The following GREB1L variants were observed in gnomAD, a reference collection of about 807,000 sequenced individuals.
GREB1L encodes GREB1 like retinoic acid receptor coactivator.
In GREB1L, 17 loss-of-function variants were observed where a neutral mutation model predicts 200.8. The ratio of observed to expected loss-of-function variants is 0.08; its 90% CI spans 0.06 to 0.13. GREB1L has a LOEUF of 0.13. GREB1L is among the 10% of genes least tolerant of loss of function. GREB1L has a pLI of 1.00. For synonymous variants in GREB1L, 789 were observed against 893.0 expected (o/e 0.88, Z 2.08); for missense variants, 1,657 against 2,367.7 (o/e 0.70, Z 6.23).
intron 1 of GREB1L, among the ~76,000 whole-genome samples, chr18:21,320,479 T>C (rs2038934479): frequency 6.6e-6 from 1 of 152,074 alleles, no homozygotes; most frequent in Non-Finnish European, 1.5e-5. Context: ...AATAAAACTA[T>C]TGGACCAGGC....
At chr18:21,265,434 T>C (rs1292787226) in intron 1 of GREB1L, among the ~76,000 whole-genome samples, 1 of 152,208 alleles carries the variant, frequency 6.6e-6, no homozygotes, top group Non-Finnish European at 1.5e-5. Flanking sequence ...CTGTAAATGG[T>C]AAAATCAAGT....
At chr18:21,497,158 T>C (rs1260416499) in intron 21 of GREB1L, among the ~76,000 whole-genome samples, 3 of 152,234 alleles carry the variant, frequency 2.0e-5, no homozygotes, top group Non-Finnish European at 4.4e-5. Context: ...AAGCATTGTA[T>C]GCTGAGGGCT....
intron 19 of GREB1L, among the ~76,000 whole-genome samples, chr18:21,492,403 A>G (rs1203562679): frequency 5.3e-5 from 8 of 152,162 alleles, no homozygotes; most frequent in Non-Finnish European, 1.0e-4. Flanking sequence ...CAGCAGCACC[A>G]TGCTAAGTCT....
At chr18:21,273,153 G>A (rs186624904) in intron 1 of GREB1L, among the ~76,000 whole-genome samples, 34 of 152,256 alleles carry the variant, frequency 2.2e-4, no homozygotes, top group African/African-American at 7.5e-4. Flanking sequence ...GCTTGAACCC[G>A]GGAGGCGGAG....
chr18:21,518,251 G>A lies in GREB1L; in HGVS notation c.5472+17G>A. On this transcript the variant is annotated intron_variant, in intron 31 of 32. Transcript: ENST00000424526. Reference sequence around the variant, plus strand: ...GGACCAGAGGTAAAAAGGGTGTGGGGGATACTGTGCTTACCTACATCCATC... The same window carrying A: ...GGACCAGAGGTAAAAAGGGTGTGGGAGATACTGTGCTTACCTACATCCATC... The A allele has an allele frequency of 3.2e-6, 5 of 1,548,928 alleles. No individual in the cohort carries two copies. The highest frequency in any genetic ancestry group is 4.4e-6 in the Non-Finnish European group (5 of 1,144,626).
At chr18:21,253,153 A>G (rs1214958558) in intron 1 of GREB1L, among the ~76,000 whole-genome samples, 2 of 152,144 alleles carry the variant, frequency 1.3e-5, no homozygotes, top group African/African-American at 2.4e-5. Context: ...CAAGATCACT[A>G]AACTAGTCCT....
intron 1 of GREB1L, among the ~76,000 whole-genome samples, chr18:21,278,380 C>CAAA (rs550496435): frequency 0.018 from 1,937 of 106,226 alleles, 49 homozygotes; most frequent in African/African-American, 0.05. Flanking sequence ...GACTCCATCT[C>CAAA]AAAAAAAAAA....
At chr18:21,458,670 G>A (rs2034891478) in intron 15 of GREB1L, among the ~76,000 whole-genome samples, 1 of 151,924 alleles carries the variant, frequency 6.6e-6, no homozygotes, top group South Asian at 2.1e-4. Flanking sequence ...GAGGGAGGAG[G>A]AAAAAGGAAA....
intron 31 of GREB1L, 21 bp from the exon 32 acceptor site, chr18:21,520,667 A>G (rs780384964): frequency 1.3e-6 from 2 of 1,551,316 alleles, no homozygotes; most frequent in Non-Finnish European, 1.7e-6. Context: ...TGCCCATGCT[A>G]TTTTTGCTTG....
intron 1 of GREB1L, among the ~76,000 whole-genome samples, chr18:21,361,445 A>T (rs2039578890): frequency 6.6e-6 from 1 of 152,212 alleles, no homozygotes; most frequent in Admixed American, 6.5e-5. Context: ...CCAAGGCTGC[A>T]CAAATTAAGG....
intron 1 of GREB1L, among the ~76,000 whole-genome samples, chr18:21,356,978 G>GA (rs1218597607): frequency 3.3e-5 from 5 of 152,064 alleles, no homozygotes; most frequent in Middle Eastern, 3.2e-3. Flanking sequence ...CTTTTTTTGA[G>GA]AAATGTCTAT....
intron 1 of GREB1L, among the ~76,000 whole-genome samples, chr18:21,249,331 A>G (rs2037660800): frequency 6.6e-6 from 1 of 152,226 alleles, no homozygotes. Context: ...CATCCGTATC[A>G]GCTGGATTCT....
In GREB1L at chr18:21,473,216, T is replaced by C. The variant is rs2035550756; in HGVS notation, c.2363+5T>C. 6.6e-7 allele frequency: 1 copy of C among 1,516,464 alleles called. No homozygotes were observed. Among genetic ancestry groups the C allele is most frequent in the African/African-American group, 1.4e-5 (1 of 71,970 alleles). 93.9% of individuals were successfully genotyped at this position (1,516,464 alleles called of 1,614,324 possible). The stretch of plus-strand genomic sequence containing the variant: ...CTCCCATGTGGAACTAACGAGGTGA[T>C]TGGTTCAGAGTGAGCAAATGGAGTC... On this transcript the variant is annotated splice_donor_5th_base_variant and intron_variant, in intron 16 of 32. Transcript: ENST00000424526.
chr18:21,246,721 G>A (rs2037608903), intron 1 of GREB1L, among the ~76,000 whole-genome samples: 1 of 152,032 alleles, frequency 6.6e-6, no homozygotes, highest in Non-Finnish European at 1.5e-5. Context: ...ATATTTATTA[G>A]CTATTATTAT....
At chr18:21,357,938 A>T (rs1052826757) in intron 1 of GREB1L, among the ~76,000 whole-genome samples, 6 of 152,086 alleles carry the variant, frequency 3.9e-5, no homozygotes, top group African/African-American at 1.4e-4. Context: ...TGCTTTGGCT[A>T]TTTGGGGTCT....
At position 21,505,429 on chromosome 18, in the gene GREB1L, G is replaced by C. The variant is rs1598942841; in HGVS notation, c.4090G>C (p.Glu1364Gln). 6.4e-7 allele frequency: 1 copy of C among 1,551,340 alleles called. No homozygotes were observed. Among genetic ancestry groups the C allele is most frequent in the African/African-American group, 1.4e-5 (1 of 73,160 alleles). Residue 1364 changes from glutamate to glutamine, a missense_variant, in exon 24 of 33, where the codon GAA becomes CAA. This residue lies in a region of GREB1L where 512 missense variants were observed against 668.3 expected (regional missense o/e 0.77). Coordinates refer to ENST00000424526, the MANE Select transcript of GREB1L (RefSeq NM_001142966.3). Reference sequence around the variant, plus strand: ...TGTCCTAGATCACAATGAAAGCAGTGAAGTGAGCCAGTCAGAGGGAGAGCC... The same window carrying C: ...TGTCCTAGATCACAATGAAAGCAGTCAAGTGAGCCAGTCAGAGGGAGAGCC... ...EINTDHNESS[E>Q]VSQSEGEPWP...
At chr18:21,456,852 G>A (rs573070310) in intron 15 of GREB1L, among the ~76,000 whole-genome samples, 2 of 151,948 alleles carry the variant, frequency 1.3e-5, no homozygotes, top group Non-Finnish European at 2.9e-5. Flanking sequence ...GGTTGTTGTC[G>A]GTCACACCAA....
At chr18:21,416,548 C>T (rs546415309) in intron 7 of GREB1L, among the ~76,000 whole-genome samples, 6 of 151,930 alleles carry the variant, frequency 3.9e-5, no homozygotes, top group African/African-American at 7.2e-5. Flanking sequence ...AAAAATTAGC[C>T]GGGCGTGGTG....
intron 15 of GREB1L, among the ~76,000 whole-genome samples, chr18:21,460,436 C>T (rs1313643171): frequency 1.3e-5 from 2 of 152,174 alleles, no homozygotes; most frequent in Non-Finnish European, 2.9e-5. Flanking sequence ...ACCTCCGCCT[C>T]CCGGGTTCAA....
Sources: gnomAD v4.1 joint callset for allele counts (sites outside exome capture counted in the v4.1 genomes callset) on GRCh38, gnomAD v4.1.1 for gene constraint, gnomAD v4.1.1 regional missense constraint, MANE v1.5 for transcripts, NCBI Gene and HGNC (gene_info 2026-07-23, HGNC 2026-07-21) for gene names.